ATP8B3: variants seen among roughly 807,000 people sequenced by gnomAD.
ATP8B3 encodes the protein ATPase phospholipid transporting 8B3, also known as phospholipid-transporting ATPase IK.
A neutral mutation model predicts 140.9 loss-of-function variants in ATP8B3; 141 were observed. The ratio of observed to expected loss-of-function variants is 1.00; its 90% CI spans 0.87 to 1.15. The LOEUF (loss-of-function observed/expected upper bound fraction) is 1.15. Among genes scored for constraint, ATP8B3 ranks in the 50% most tolerant of loss-of-function variants. The pLI, the probability that ATP8B3 is intolerant of heterozygous loss-of-function variation, is 0.00. For synonymous variants in ATP8B3, 765 were observed against 714.6 expected (o/e 1.07, Z -1.13); for missense variants, 1,874 against 1,740.6 (o/e 1.08, Z -1.36).
intron 11 of ATP8B3, 44 bp downstream of exon 11, chr19:1,802,443 C>T (rs758150649): frequency 2.2e-5 from 30 of 1,393,596 alleles, no homozygotes; most frequent in Non-Finnish European, 2.7e-5. Context: ...CTACCACGCT[C>T]CCATCAGTAC....
Position 1,806,045 on chromosome 19 carries a change from T to C in ATP8B3, c.750+52A>G. ...GCCCTCCCCACCCTGGGAGGGGTGC[T>C]CTCGGTGAGGGGGCGCGTGGTTCTG... is the stretch of plus-strand genomic sequence containing the variant. On this transcript the variant is annotated intron_variant, in intron 8 of 28. Coordinates refer to ENST00000310127, the MANE Select transcript of ATP8B3 (RefSeq NM_138813.4). The surrounding 1 kb of genome is among the most constrained non-coding windows in gnomAD (Gnocchi z 5.6). 1.9e-6 allele frequency: 3 copies of C among 1,604,606 alleles called. No individual in the cohort carries two copies. The highest frequency in any genetic ancestry group is 1.3e-5 in the African/African-American group (1 of 74,332).
At chr19:1,804,380 C>A (rs2068946471) in intron 10 of ATP8B3, among the ~76,000 whole-genome samples, 1 of 152,144 alleles carries the variant, frequency 6.6e-6, no homozygotes, top group African/African-American at 2.4e-5. Context: ...GAAGCCGAGG[C>A]AGGTGGATCA....
At chr19:1,787,038 A>T in intron 25 of ATP8B3, 65 bp downstream of exon 25, 1 of 1,408,652 alleles carries the variant, frequency 7.1e-7, no homozygotes, top group Non-Finnish European at 9.8e-7. Flanking sequence ...CGCCCCAAGG[A>T]GCGGAGGAGA....
In ATP8B3 at chr19:1,806,332, C is replaced by T. The variant is rs146134873; in HGVS notation, c.678-163G>A. On this transcript the variant is annotated intron_variant, in intron 7 of 28. Transcript: ENST00000310127. This position sits in a 1 kb window ranked among gnomAD's most constrained non-coding sequence, Gnocchi z 5.6. ...CCCCGGGCTCCCACCCCACTCCCCG[C>T]GGGTCCACGCTCCCACCCAGTGACC... 220 of 1,470,066 alleles carry T rather than the reference C, an allele frequency of 1.5e-4. No individual in the cohort carries two copies. In the African/African-American group the frequency reaches 2.6e-3, roughly 17 times the overall value. The allele number at this position is 1,470,066 out of a possible 1,614,324, so 91.1% of individuals were successfully genotyped here.
Position 1,787,036 on chromosome 19 carries a change from G to C in ATP8B3, c.3153+67C>G, listed in dbSNP as rs572438722. 1.3e-4 allele frequency: 187 copies of C among 1,417,636 alleles called. 1 individual carries two copies. The South Asian group carries it at 2.2e-3, about 17-fold the overall frequency. 87.8% of individuals were successfully genotyped at this position (1,417,636 alleles called of 1,614,324 possible). A position where few individuals can be genotyped will look rare whatever the true frequency, so the allele number is the denominator to read the frequency against. The stretch of plus-strand genomic sequence containing the variant: ...CCCAGGCTCCCTCTCCCCGCCCCAA[G>C]GAGCGGAGGAGAGGAGGAGAGGCTA... On this transcript the variant is annotated intron_variant, in intron 25 of 28. Transcript: ENST00000310127.
Position 1,806,033 on chromosome 19 carries a change from T to G in ATP8B3, c.750+64A>C, listed in dbSNP as rs1181331413. ...GGGGGTGCGGCAGCCCTCCCCACCCTGGGAGGGGTGCTCTCGGTGAGGGGG... is the reference window on the plus strand; with the variant it reads ...GGGGGTGCGGCAGCCCTCCCCACCCGGGGAGGGGTGCTCTCGGTGAGGGGG... On this transcript the variant is annotated intron_variant, in intron 8 of 28. Coordinates refer to ENST00000310127, the MANE Select transcript of ATP8B3 (RefSeq NM_138813.4). The surrounding 1 kb of genome is among the most constrained non-coding windows in gnomAD (Gnocchi z 5.6). The G allele has an allele frequency of 6.3e-7, 1 of 1,597,274 alleles. No homozygotes were observed. Among genetic ancestry groups the G allele is most frequent in the Non-Finnish European group, 8.5e-7 (1 of 1,172,030 alleles).
In ATP8B3 at chr19:1,806,823, G is replaced by T; in HGVS notation, c.616-134C>A. The T allele has an allele frequency of 9.8e-7, 1 of 1,015,640 alleles. No homozygotes were observed. The highest frequency in any genetic ancestry group is 1.5e-6 in the Non-Finnish European group (1 of 680,314). 62.9% of individuals were successfully genotyped at this position (1,015,640 alleles called of 1,614,324 possible). A position where few individuals can be genotyped will look rare whatever the true frequency, so the allele number is the denominator to read the frequency against. ...GTCCGCTGGCCCCACGCCACGTTGC[G>T]TCTGCTCAGGGATCCCGGACGTGGG... is the stretch of plus-strand genomic sequence containing the variant. On this transcript the variant is annotated intron_variant, in intron 6 of 28. Transcript: ENST00000310127. This position sits in a 1 kb window ranked among gnomAD's most constrained non-coding sequence, Gnocchi z 5.6.
chr19:1,785,425 A>G lies in ATP8B3; in HGVS notation c.3393+44T>C, dbSNP rs73916804. Reference sequence around the variant, plus strand: ...GGGGTCCCCAGGGGAGGAGGCCTCCATAGGCCATGTCCAAGGCCCCGGGGA... The same window carrying G: ...GGGGTCCCCAGGGGAGGAGGCCTCCGTAGGCCATGTCCAAGGCCCCGGGGA... On this transcript the variant is annotated intron_variant, in intron 26 of 28. Transcript: ENST00000310127. 1,997 of 1,599,998 alleles carry G rather than the reference A, an allele frequency of 1.2e-3. 32 individuals carry two copies. The African/African-American group carries it at 0.024, about 20-fold the overall frequency.
At chr19:1,797,320 G>A (rs2145191314) in intron 14 of ATP8B3, among the ~76,000 whole-genome samples, 1 of 150,462 alleles carries the variant, frequency 6.6e-6, no homozygotes, top group African/African-American at 2.5e-5. Flanking sequence ...GCGGGATGCG[G>A]GCTAGGGACC....
rs927309300 is a variant in ATP8B3 at position 1,811,611 on chromosome 19, G to C, written c.126C>G (p.Gly42=). The C allele has an allele frequency of 6.2e-7, 1 of 1,611,934 alleles. No individual in the cohort carries two copies. Among genetic ancestry groups the C allele is most frequent in the African/African-American group, 1.3e-5 (1 of 74,926 alleles). ...DVTQEGSGPA[G]IRGGETVIRA... ...TGATCACCGTCTCACCTCCGCGGATGCCAGCAGGACCTGAGCCTTCCTGAG... is the reference window on the plus strand; with the variant it reads ...TGATCACCGTCTCACCTCCGCGGATCCCAGCAGGACCTGAGCCTTCCTGAG... Residue 42 remains glycine (G), a synonymous_variant, in exon 2 of 29, where the codon GGC becomes GGG. Transcript: ENST00000310127.
intron 28 of ATP8B3, 149 bp from the exon 29 acceptor site, chr19:1,783,419 T>A: frequency 9.6e-7 from 1 of 1,038,444 alleles, no homozygotes; most frequent in Non-Finnish European, 1.4e-6. Flanking sequence ...CCAATTAGAG[T>A]CCTCGACTCT....
Position 1,807,116 on chromosome 19 carries a change from C to T in ATP8B3, c.615+52G>A, listed in dbSNP as rs1291740722. The T allele has an allele frequency of 1.1e-5, 16 of 1,520,250 alleles. No individual in the cohort carries two copies. Among genetic ancestry groups the T allele is most frequent in the Admixed American group, 1.7e-5 (1 of 59,704 alleles). 94.2% of individuals were successfully genotyped at this position (1,520,250 alleles called of 1,614,324 possible). On this transcript the variant is annotated intron_variant, in intron 6 of 28. Transcript: ENST00000310127. This position sits in a 1 kb window ranked among gnomAD's most constrained non-coding sequence, Gnocchi z 5.9. ...CTCTCGCCCAGGGATCAAGAGACCC[C>T]CCCGACCGGCCCCGCTCCCTCCCCC...
chr19:1,783,986 C>T (rs558236804), intron 28 of ATP8B3, among the ~76,000 whole-genome samples: 41 of 152,196 alleles, frequency 2.7e-4, no homozygotes, highest in African/African-American at 9.9e-4. Flanking sequence ...AGGTGTGAAC[C>T]GCTGCGCCTG....
intron 28 of ATP8B3, 47 bp from the exon 29 acceptor site, chr19:1,783,317 C>T (rs1205698840): frequency 1.7e-5 from 26 of 1,574,064 alleles, no homozygotes; most frequent in Non-Finnish European, 2.2e-5. Context: ...CTATGCTTGG[C>T]TGATGGCTCT....
Position 1,783,220 on chromosome 19 carries a change from G to C in ATP8B3, c.3711C>G (p.Pro1237=), listed in dbSNP as rs2068209227. The C allele has an allele frequency of 6.2e-7, 1 of 1,612,096 alleles. No homozygotes were observed. Among genetic ancestry groups the C allele is most frequent in the Non-Finnish European group, 8.5e-7 (1 of 1,179,160 alleles). ...GPSEEIFTME[P]LPHVHRESRA... ...GAGACTCCCGGTGTACATGAGGCAA[G>C]GGCTCCATGGTGAAAATCTCCTCGC... The change falls in exon 29 of 29, where the codon CCC becomes CCG. Residue 1237 remains proline, a synonymous_variant. Coordinates refer to ENST00000310127, the MANE Select transcript of ATP8B3 (RefSeq NM_138813.4).
Position 1,807,118 on chromosome 19 carries a change from C to A in ATP8B3, c.615+50G>T. 2.6e-6 allele frequency: 4 copies of A among 1,529,988 alleles called. No individual in the cohort carries two copies. Among genetic ancestry groups the A allele is most frequent in the Non-Finnish European group, 3.6e-6 (4 of 1,106,530 alleles). 94.8% of individuals were successfully genotyped at this position (1,529,988 alleles called of 1,614,324 possible). A position where few individuals can be genotyped will look rare whatever the true frequency, so the allele number is the denominator to read the frequency against. On this transcript the variant is annotated intron_variant, in intron 6 of 28. Coordinates refer to ENST00000310127, the MANE Select transcript of ATP8B3 (RefSeq NM_138813.4). The surrounding 1 kb of genome is among the most constrained non-coding windows in gnomAD (Gnocchi z 5.9). ...CTCGCCCAGGGATCAAGAGACCCCCCCGACCGGCCCCGCTCCCTCCCCCAG... is the reference window on the plus strand; with the variant it reads ...CTCGCCCAGGGATCAAGAGACCCCCACGACCGGCCCCGCTCCCTCCCCCAG...
At position 1,800,375 on chromosome 19, in the gene ATP8B3, G is replaced by A; in HGVS notation, c.1227C>T (p.Asp409=). ...GFGFSVKEFK[D]HHYYLSGVHG... is the part of the protein sequence containing the mutation. ...GCACCCCCGAGAGGTAGTAGTGGTG[G>A]TCTTTGAATTCTTTGACTGAGAAAC... The change falls in exon 13 of 29, where the codon GAC becomes GAT. Residue 409 remains aspartate (D), a synonymous_variant. Coordinates refer to ENST00000310127, the MANE Select transcript of ATP8B3 (RefSeq NM_138813.4). The surrounding 1 kb of genome is among the most constrained non-coding windows in gnomAD (Gnocchi z 4.4). 1 of 1,611,448 alleles carries A rather than the reference G, an allele frequency of 6.2e-7. No individual in the cohort carries two copies. Among genetic ancestry groups the A allele is most frequent in the African/African-American group, 1.3e-5 (1 of 74,954 alleles).
Position 1,783,367 on chromosome 19 carries a change from G to A in ATP8B3, c.3661-97C>T, listed in dbSNP as rs2068215042. On this transcript the variant is annotated intron_variant, in intron 28 of 28. Transcript: ENST00000310127. The stretch of plus-strand genomic sequence containing the variant: ...AGGAGAGGCAGGATTCAAAGCCCTT[G>A]GCCACTATTGATTGGCTACGTTCTT... 4.2e-6 allele frequency: 6 copies of A among 1,439,514 alleles called. No homozygotes were observed. In the Admixed American group the frequency reaches 1.4e-4, roughly 33 times the overall value. The allele number at this position is 1,439,514 out of a possible 1,614,324, so 89.2% of individuals were successfully genotyped here.
At chr19:1,792,784 G>A (rs138208099) in intron 18 of ATP8B3, among the ~76,000 whole-genome samples, 382 of 151,474 alleles carry the variant, frequency 2.5e-3, no homozygotes, top group African/African-American at 7.9e-3. Flanking sequence ...GTGTGGTGGC[G>A]CATGCCTGGA....
Sources: gnomAD v4.1 joint callset for allele counts (sites outside exome capture counted in the v4.1 genomes callset) on GRCh38, gnomAD v4.1.1 for gene constraint, Gnocchi (gnomAD v3.1) non-coding constraint, MANE v1.5 for transcripts, NCBI Gene and HGNC (gene_info 2026-07-23, HGNC 2026-07-21) for gene names.